Variants in SCP2 observed in about 807,000 individuals in gnomAD.
The protein encoded by SCP2 is sterol carrier protein 2, also known as SCP-2/3-oxoacyl-CoA thiolase.
Under a neutral mutation model 71.4 loss-of-function variants are expected in SCP2, and 48 were observed. That is an observed-to-expected ratio of 0.67 (90% CI 0.53 to 0.86). SCP2 has a LOEUF of 0.86. Among genes scored for constraint, SCP2 ranks in the 40% least tolerant of loss-of-function variants. SCP2 has a pLI of 0.00. For missense variants in SCP2, 560 were observed against 655.6 expected, an observed-to-expected ratio of 0.85 and a Z score of 1.59; for synonymous variants, 220 against 218.1, an observed-to-expected ratio of 1.01 and a Z score of -0.08.
intron 1 of SCP2, among the ~76,000 whole-genome samples, chr1:52,936,461 T>C (rs1373311430): frequency 6.6e-6 from 1 of 152,188 alleles, no homozygotes; most frequent in Non-Finnish European, 1.5e-5. Flanking sequence ...GTCAAAGGGA[T>C]AGAATGTACA....
rs540933444 is a variant in SCP2 at position 53,048,520 on chromosome 1, G to A, written c.1548+583G>A. On this transcript the variant is annotated intron_variant, in intron 15 of 15. Coordinates refer to ENST00000371514, the MANE Select transcript of SCP2 (RefSeq NM_002979.5). ...GTAACCAGTCCCTCTCCTGAGCCAC[G>A]TACTGGACTGCCAGCTTAGTGCCTG... 3.0e-4 allele frequency: 52 copies of A among 171,308 alleles called. No individual in the cohort carries two copies. In the South Asian group the frequency reaches 4.0e-3, roughly 13 times the overall value. 10.6% of individuals were successfully genotyped at this position (171,308 alleles called of 1,614,324 possible). A position where few individuals can be genotyped will look rare whatever the true frequency, so the allele number is the denominator to read the frequency against.
intron 11 of SCP2, among the ~76,000 whole-genome samples, chr1:53,003,387 T>A (rs189400093): frequency 2.6e-5 from 4 of 152,250 alleles, no homozygotes; most frequent in Admixed American, 2.6e-4. Context: ...CCTGGCTAAT[T>A]TTTTACATTT....
At chr1:53,016,692 G>T (rs1201511425) in intron 12 of SCP2, among the ~76,000 whole-genome samples, 1 of 152,150 alleles carries the variant, frequency 6.6e-6, no homozygotes, top group East Asian at 1.9e-4. Flanking sequence ...GTGCTGTGTG[G>T]GTACAGAGTA....
chr1:52,969,326 A>C (rs1657248894), intron 6 of SCP2, among the ~76,000 whole-genome samples: 1 of 151,668 alleles, frequency 6.6e-6, no homozygotes, highest in Non-Finnish European at 1.5e-5. Context: ...CAGGAGTTCA[A>C]GACCAGCCTG....
At chr1:52,995,966 C>T in intron 11 of SCP2, 2 of 1,431,548 alleles carry the variant, frequency 1.4e-6, no homozygotes, top group South Asian at 1.9e-5. Flanking sequence ...ATCAGCAGTA[C>T]CAGGATGCCA....
intron 7 of SCP2, among the ~76,000 whole-genome samples, chr1:52,975,346 A>G (rs1657870539): frequency 6.6e-6 from 1 of 152,022 alleles, no homozygotes; most frequent in African/African-American, 2.4e-5. Context: ...GCACCTGGCT[A>G]ATTTTTGTAT....
At chr1:53,036,940 G>A (rs1412050114) in intron 13 of SCP2, among the ~76,000 whole-genome samples, 1 of 151,824 alleles carries the variant, frequency 6.6e-6, no homozygotes, top group Non-Finnish European at 1.5e-5. Context: ...TCAGGAGTTC[G>A]AGACCAGCCT....
At chr1:52,942,063 T>C (rs561003329) in intron 2 of SCP2, among the ~76,000 whole-genome samples, 24 of 152,268 alleles carry the variant, frequency 1.6e-4, no homozygotes, top group African/African-American at 5.5e-4. Flanking sequence ...GGCTTACAAT[T>C]TTATGTGCTA....
At chr1:52,987,051 C>G (rs1279174852) in intron 10 of SCP2, among the ~76,000 whole-genome samples, 3 of 142,432 alleles carry the variant, frequency 2.1e-5, no homozygotes, top group Non-Finnish European at 4.5e-5. Context: ...TCTTGTCGCC[C>G]AGGGGTGCAC....
At chr1:52,976,895 C>T (rs761748443) in intron 8 of SCP2, 126 bp downstream of exon 8, 29 of 668,446 alleles carry the variant, frequency 4.3e-5, no homozygotes, top group Non-Finnish European at 6.9e-5. Flanking sequence ...CCAGTGCCGT[C>T]CCCACTCTGG....
At position 52,931,111 on chromosome 1, in the gene SCP2, G is replaced by T. The variant is rs1379090989; in HGVS notation, c.69+3646G>T. 3.3e-5 allele frequency among the ~76,000 whole-genome samples: 5 copies of T among 152,268 alleles called. No individual in the cohort carries two copies. In the East Asian group the frequency reaches 5.8e-4, roughly 18 times the overall value. ...TCCCACTAAAGCAACAATAAGGAAA[G>T]AAAATGATATTAATCCACAAGGGCA... On this transcript the variant is annotated intron_variant, in intron 1 of 15. Coordinates refer to ENST00000371514, the MANE Select transcript of SCP2 (RefSeq NM_002979.5).
At chr1:52,968,716 G>T (rs1657192474) in intron 6 of SCP2, among the ~76,000 whole-genome samples, 1 of 152,026 alleles carries the variant, frequency 6.6e-6, no homozygotes, top group African/African-American at 2.4e-5. Flanking sequence ...GCCTATTCTG[G>T]ACATTTTATA....
intron 11 of SCP2, among the ~76,000 whole-genome samples, chr1:53,002,115 C>T (rs1301205974): frequency 6.7e-6 from 1 of 149,844 alleles, no homozygotes; most frequent in Admixed American, 6.7e-5. Flanking sequence ...GCCTGGGAGG[C>T]GGCGGAGCTT....
At chr1:52,927,538 C>A in intron 1 of SCP2, 73 bp downstream of exon 1, 2 of 1,161,728 alleles carry the variant, frequency 1.7e-6, no homozygotes, top group East Asian at 2.5e-5. Context: ...TCTGTCCCTC[C>A]GGTCTCCTAG....
chr1:53,021,618 G>GCTTTTTCTTTCCTTTT (rs1553153446), intron 12 of SCP2, among the ~76,000 whole-genome samples: 6 of 138,138 alleles, frequency 4.3e-5, no homozygotes, highest in Non-Finnish European at 9.4e-5. Flanking sequence ...CCGAGCTCGG[G>GCTTTTTCTTTCCTTTT]CTTTTTCTTT....
intron 11 of SCP2, among the ~76,000 whole-genome samples, chr1:53,003,116 C>A (rs370875212): frequency 4.9e-4 from 74 of 152,332 alleles, no homozygotes; most frequent in African/African-American, 1.7e-3. Context: ...TAAACTCTAT[C>A]TGTGCCAGGA....
chr1:53,016,543 G>A (rs1294266161), intron 12 of SCP2, among the ~76,000 whole-genome samples: 2 of 152,152 alleles, frequency 1.3e-5, no homozygotes, highest in African/African-American at 4.8e-5. Context: ...TAGAAGCTCA[G>A]AGGAAGAAAT....
At chr1:52,990,879 A>G (rs1015266215) in intron 11 of SCP2, among the ~76,000 whole-genome samples, 1 of 152,212 alleles carries the variant, frequency 6.6e-6, no homozygotes, top group Non-Finnish European at 1.5e-5. Context: ...TAGATAGATA[A>G]AGAATGAAAA....
chr1:52,927,360 T>C lies in SCP2; in HGVS notation c.-37T>C. ...CTCCGCCTGTCAGTGCCGGCAGTCGTCCGCGGCGCCCGCCCCGGTCCCGCA... is the reference window on the plus strand; with the variant it reads ...CTCCGCCTGTCAGTGCCGGCAGTCGCCCGCGGCGCCCGCCCCGGTCCCGCA... On this transcript the variant is annotated 5_prime_UTR_variant, in exon 1 of 16. Transcript: ENST00000371514. The C allele has an allele frequency of 6.5e-7, 1 of 1,534,012 alleles. No individual in the cohort carries two copies. Among genetic ancestry groups the C allele is most frequent in the African/African-American group, 1.4e-5 (1 of 73,428 alleles).
Sources: allele counts gnomAD v4.1 joint callset (sites outside exome capture counted in the v4.1 genomes callset), GRCh38; gene constraint gnomAD v4.1.1; transcripts MANE v1.5; gene names NCBI Gene and HGNC (gene_info 2026-07-23, HGNC 2026-07-21).